The following CPPED1 variants were observed in gnomAD, a reference collection of about 807,000 sequenced individuals.
The protein encoded by CPPED1 is serine/threonine-protein phosphatase CPPED1.
Under a neutral mutation model 28.0 loss-of-function variants are expected in CPPED1, and 28 were observed. That is an observed-to-expected ratio of 1.00 (90% CI 0.74 to 1.37). CPPED1 has a LOEUF of 1.37. Among genes scored for constraint, CPPED1 ranks in the 40% most tolerant of loss-of-function variants. The pLI, the probability that CPPED1 is intolerant of heterozygous loss-of-function variation, is 0.00. For missense variants in CPPED1, 504 were observed against 416.5 expected (o/e 1.21, Z -1.83); for synonymous variants, 198 against 180.2 (o/e 1.10, Z -0.79).
intron 2 of CPPED1, among the ~76,000 whole-genome samples, chr16:12,766,256 T>TATATATATATATATATATAG: frequency 8.2e-5 from 11 of 134,252 alleles, no homozygotes; most frequent in African/African-American, 3.8e-4. Flanking sequence ...TATATATATA[T>TATATATATATATATATATAG]AGAGAGAGAG....
At chr16:12,773,542 G>A (rs543748161) in intron 2 of CPPED1, among the ~76,000 whole-genome samples, 1 of 152,220 alleles carries the variant, frequency 6.6e-6, no homozygotes, top group Admixed American at 6.5e-5. Context: ...AGGCAACATG[G>A]TGAAACCCCG....
At chr16:12,702,349 C>T (rs1165313430) in intron 3 of CPPED1, among the ~76,000 whole-genome samples, 1 of 152,032 alleles carries the variant, frequency 6.6e-6, no homozygotes, top group Non-Finnish European at 1.5e-5. Context: ...CAGTGAGGTG[C>T]AACACAGTCA....
chr16:12,722,244 C>G (rs1246137274), intron 2 of CPPED1, among the ~76,000 whole-genome samples: 1 of 152,160 alleles, frequency 6.6e-6, no homozygotes, highest in Non-Finnish European at 1.5e-5. Context: ...GGGGTGGCAG[C>G]GAGTGGACTT....
At position 12,704,659 on chromosome 16, in the gene CPPED1, G is replaced by A; in HGVS notation, c.680C>T (p.Thr227Ile). ...DDYYFNLSKS[T>I]RKKLADKFIH... is the part of the protein sequence containing the mutation. Reference sequence around the variant, plus strand: ...GAACTTGTCTGCCAACTTCTTCCGAGTGGACTTGCTGAGGTTGAAGTAGTA... The same window carrying A: ...GAACTTGTCTGCCAACTTCTTCCGAATGGACTTGCTGAGGTTGAAGTAGTA... Residue 227 changes from threonine to isoleucine, a missense_variant, in exon 3 of 4, where the codon ACT becomes ATT. Transcript: ENST00000381774. 3 of 1,613,120 alleles carry A rather than the reference G, an allele frequency of 1.9e-6. No homozygotes were observed. The highest frequency in any genetic ancestry group is 2.5e-6 in the Non-Finnish European group (3 of 1,179,136).
intron 3 of CPPED1, among the ~76,000 whole-genome samples, chr16:12,669,892 T>C (rs901388793): frequency 2.0e-5 from 3 of 152,082 alleles, no homozygotes; most frequent in Admixed American, 6.5e-5. Context: ...CCTGCAACGA[T>C]GGGGTATGGC....
At position 12,739,147 on chromosome 16, in the gene CPPED1, G is replaced by A. The variant is rs143261870; in HGVS notation, c.290-34098C>T. 7.2e-5 allele frequency among the ~76,000 whole-genome samples: 11 copies of A among 152,314 alleles called. No homozygotes were observed. The East Asian group carries it at 2.1e-3, about 29-fold the overall frequency. On this transcript the variant is annotated intron_variant, in intron 2 of 3. Coordinates refer to ENST00000381774, the MANE Select transcript of CPPED1 (RefSeq NM_018340.3). ...AAATAAAAATAGTAGCGCCTCACTG[G>A]ACAGAATGGTCATGAGAATAAGAAA...
chr16:12,731,587 G>C (rs1221075056), intron 2 of CPPED1, among the ~76,000 whole-genome samples: 2 of 151,844 alleles, frequency 1.3e-5, no homozygotes, highest in African/African-American at 4.8e-5. Context: ...GGGAATCTGA[G>C]AGCCAAAAAG....
chr16:12,739,061 T>C (rs1387618747), intron 2 of CPPED1, among the ~76,000 whole-genome samples: 2 of 152,184 alleles, frequency 1.3e-5, no homozygotes, highest in Non-Finnish European at 2.9e-5. Flanking sequence ...GGTCTGCTGC[T>C]TACCGAGCTG....
At chr16:12,747,178 C>G (rs2080294850) in intron 2 of CPPED1, among the ~76,000 whole-genome samples, 1 of 151,774 alleles carries the variant, frequency 6.6e-6, no homozygotes, top group Non-Finnish European at 1.5e-5. Context: ...GTCTGTAATC[C>G]CAGCATTTTG....
chr16:12,783,437 T>C (rs11075156), intron 1 of CPPED1, among the ~76,000 whole-genome samples: 64,595 of 151,746 alleles, frequency 0.43, 14,454 homozygotes, highest in South Asian at 0.68. Flanking sequence ...AGGCGGAAAC[T>C]ACAGTGAGCC....
intron 2 of CPPED1, among the ~76,000 whole-genome samples, chr16:12,748,915 T>C (rs1236256492): frequency 6.6e-6 from 1 of 151,272 alleles, no homozygotes; most frequent in African/African-American, 2.4e-5. Context: ...TAGCATTATG[T>C]CTAAAAAAAA....
intron 2 of CPPED1, 67 bp downstream of exon 2, chr16:12,781,118 C>T (rs2080527800): frequency 6.9e-7 from 1 of 1,443,242 alleles, no homozygotes; most frequent in Non-Finnish European, 9.5e-7. Context: ...ATCTTTTTTT[C>T]TCCTGCCCAA....
chr16:12,679,918 C>T (rs1457795111), intron 3 of CPPED1, among the ~76,000 whole-genome samples: 1 of 152,160 alleles, frequency 6.6e-6, no homozygotes, highest in African/African-American at 2.4e-5. Flanking sequence ...CATCAAATAA[C>T]CGAGAAAGAT....
At chr16:12,765,941 G>A (rs780625982) in intron 2 of CPPED1, among the ~76,000 whole-genome samples, 8 of 151,634 alleles carry the variant, frequency 5.3e-5, no homozygotes, top group African/African-American at 9.7e-5. Flanking sequence ...GCTTCATTTC[G>A]TTGCAGAAAA....
At chr16:12,765,767 G>C (rs1451077570) in intron 2 of CPPED1, among the ~76,000 whole-genome samples, 1 of 152,174 alleles carries the variant, frequency 6.6e-6, no homozygotes, top group Non-Finnish European at 1.5e-5. Flanking sequence ...GAAACATGCA[G>C]GTGACTTTCT....
intron 3 of CPPED1, among the ~76,000 whole-genome samples, chr16:12,688,475 A>G (rs975286548): frequency 2.6e-5 from 4 of 151,762 alleles, no homozygotes; most frequent in African/African-American, 7.3e-5. Flanking sequence ...AGTAGCTGAG[A>G]TTACAGGCAG....
At chr16:12,758,255 A>G (rs1425084656) in intron 2 of CPPED1, among the ~76,000 whole-genome samples, 4 of 152,102 alleles carry the variant, frequency 2.6e-5, no homozygotes, top group African/African-American at 9.7e-5. Flanking sequence ...AGGAATACAG[A>G]TATCATCGCC....
intron 1 of CPPED1, among the ~76,000 whole-genome samples, chr16:12,796,641 C>T (rs1389440537): frequency 2.6e-5 from 4 of 152,204 alleles, no homozygotes; most frequent in East Asian, 1.9e-4. Flanking sequence ...TGTAAAATGG[C>T]GCATCTGCTT....
intron 2 of CPPED1, among the ~76,000 whole-genome samples, chr16:12,773,788 C>A (rs772465569): frequency 1.1e-4 from 16 of 152,064 alleles, no homozygotes; most frequent in Non-Finnish European, 1.6e-4. Context: ...TCTCAGCCAC[C>A]CACGTGAACA....
Sources: allele counts gnomAD v4.1 joint callset (sites outside exome capture counted in the v4.1 genomes callset), GRCh38; gene constraint gnomAD v4.1.1; transcripts MANE v1.5; gene names NCBI Gene and HGNC (gene_info 2026-07-23, HGNC 2026-07-21).